WNT3A: variants seen among roughly 807,000 people sequenced by gnomAD.
WNT3A encodes the protein Wnt family member 3A, also known as protein Wnt-3a.
Under a neutral mutation model 37.0 loss-of-function variants are expected in WNT3A, and 17 were observed. The ratio of observed to expected loss-of-function variants is 0.46; its 90% CI spans 0.31 to 0.69. The LOEUF (loss-of-function observed/expected upper bound fraction) is 0.69. WNT3A is among the 30% of genes least tolerant of loss of function. The pLI is 0.05. For synonymous variants in WNT3A, 187 were observed against 211.0 expected, an observed-to-expected ratio of 0.89 and a Z score of 0.99; for missense variants, 411 against 510.2, an observed-to-expected ratio of 0.81 and a Z score of 1.87.
chr1:228,057,271 T>C (rs2031701443), intron 3 of WNT3A, among the ~76,000 whole-genome samples: 1 of 152,174 alleles, frequency 6.6e-6, no homozygotes, highest in Admixed American at 6.5e-5. Context: ...TTGGGAAGTG[T>C]GCATCAGTGT....
intron 2 of WNT3A, among the ~76,000 whole-genome samples, chr1:228,036,962 A>G (rs2031158636): frequency 1.3e-5 from 2 of 152,110 alleles, no homozygotes; most frequent in Admixed American, 1.3e-4. Flanking sequence ...GAGCCTAGGG[A>G]TGCCACCTGT....
rs533480493 is a variant in WNT3A at position 228,034,104 on chromosome 1, A to G, written c.313+11196A>G. 3.9e-4 allele frequency among the ~76,000 whole-genome samples: 60 copies of G among 152,270 alleles called. No homozygotes were observed. In the South Asian group the frequency reaches 0.012, roughly 31 times the overall value. ...TGACAAAACCCTGTCTCTACTAAAAATACAAAAATTAGCCAGGCATGGTGG... is the reference window on the plus strand; with the variant it reads ...TGACAAAACCCTGTCTCTACTAAAAGTACAAAAATTAGCCAGGCATGGTGG... On this transcript the variant is annotated intron_variant, in intron 2 of 3. Coordinates refer to ENST00000284523, the MANE Select transcript of WNT3A (RefSeq NM_033131.4).
At chr1:228,044,365 G>A (rs1006226656) in intron 2 of WNT3A, among the ~76,000 whole-genome samples, 3 of 152,170 alleles carry the variant, frequency 2.0e-5, no homozygotes, top group East Asian at 1.9e-4. Context: ...GCTTTCCTTC[G>A]TTTTTCTATC....
chr1:228,059,394 G>C lies in WNT3A; in HGVS notation c.988G>C (p.Val330Leu). The stretch of plus-strand genomic sequence containing the variant: ...GCGGCGCCGGGAGAAGTGCCGCTGC[G>C]TGTTCCACTGGTGCTGCTACGTCAG... ...AERRREKCRC[V>L]FHWCCYVSCQ... Residue 330 changes from valine to leucine, a missense_variant, in exon 4 of 4, where the codon GTG becomes CTG. Physicochemically the swap from Val to Leu is conservative, Grantham distance 32. Coordinates refer to ENST00000284523, the MANE Select transcript of WNT3A (RefSeq NM_033131.4). The C allele has an allele frequency of 6.4e-7, 1 of 1,561,316 alleles. No individual in the cohort carries two copies. The highest frequency in any genetic ancestry group is 8.6e-7 in the Non-Finnish European group (1 of 1,157,772).
chr1:228,021,094 G>A (rs567353647), intron 1 of WNT3A, among the ~76,000 whole-genome samples: 8 of 152,284 alleles, frequency 5.3e-5, no homozygotes, highest in African/African-American at 1.2e-4. Context: ...TCGTTCTGAC[G>A]TGAAGCACTC....
chr1:228,056,380 A>ACAC (rs2031683385), intron 3 of WNT3A, among the ~76,000 whole-genome samples: 1 of 152,248 alleles, frequency 6.6e-6, no homozygotes, highest in Non-Finnish European at 1.5e-5. Flanking sequence ...AAAAGATAAA[A>ACAC]CACTATATCC....
In WNT3A at chr1:228,008,243, T is replaced by C. The variant is rs750321711; in HGVS notation, c.71+1044T>C. On this transcript the variant is annotated intron_variant, in intron 1 of 3. Coordinates refer to ENST00000284523, the MANE Select transcript of WNT3A (RefSeq NM_033131.4). The surrounding 1 kb of genome is among the most constrained non-coding windows in gnomAD (Gnocchi z 4.9). ...GGCGCAGCGCTGGTAGGACCCACAG[T>C]TGGAGAGAAGCCTCCCCACAAGCAT... Among the ~76,000 whole-genome samples, 2 of 152,028 alleles carry C rather than the reference T, an allele frequency of 1.3e-5. No homozygotes were observed. The highest frequency in any genetic ancestry group is 2.9e-5 in the Non-Finnish European group (2 of 67,990).
In WNT3A at chr1:228,038,685, A is replaced by T. The variant is rs2031200695; in HGVS notation, c.314-11971A>T. On this transcript the variant is annotated intron_variant, in intron 2 of 3. Coordinates refer to ENST00000284523, the MANE Select transcript of WNT3A (RefSeq NM_033131.4). The surrounding 1 kb of genome is among the most constrained non-coding windows in gnomAD (Gnocchi z 5.7). ...CTGTCCCCACAACTCTATGGGTCCCAGGTATGTGGTGGGGGTGTGGTAATC... is the reference window on the plus strand; with the variant it reads ...CTGTCCCCACAACTCTATGGGTCCCTGGTATGTGGTGGGGGTGTGGTAATC... Among the ~76,000 whole-genome samples, 1 of 152,140 alleles carries T rather than the reference A, an allele frequency of 6.6e-6. No individual in the cohort carries two copies. The highest frequency in any genetic ancestry group is 2.4e-5 in the African/African-American group (1 of 41,432).
chr1:228,033,736 ATCGGTTTG>A (rs1027077804), intron 2 of WNT3A, among the ~76,000 whole-genome samples: 1 of 150,166 alleles, frequency 6.7e-6, no homozygotes, highest in Non-Finnish European at 1.5e-5. Context: ...GAATGTGTAG[ATCGGTTTG>A]GGAAATATTG....
chr1:228,024,806 A>G (rs1276707848), intron 2 of WNT3A, among the ~76,000 whole-genome samples: 4 of 152,204 alleles, frequency 2.6e-5, no homozygotes, highest in Non-Finnish European at 5.9e-5. Flanking sequence ...TTTTGAGCTC[A>G]TCTTTTTATA....
intron 2 of WNT3A, among the ~76,000 whole-genome samples, chr1:228,026,865 T>G (rs538388517): frequency 6.6e-6 from 1 of 151,908 alleles, no homozygotes; most frequent in Non-Finnish European, 1.5e-5. Flanking sequence ...TTTATTGAGA[T>G]AGGGTCTCAC....
intron 2 of WNT3A, among the ~76,000 whole-genome samples, chr1:228,047,647 T>A (rs1429975421): frequency 6.6e-6 from 1 of 152,108 alleles, no homozygotes; most frequent in Non-Finnish European, 1.5e-5. Context: ...TGGTAATTTA[T>A]AAGAAAAGAT....
Position 228,007,677 on chromosome 1 carries a change from G to C in WNT3A, c.71+478G>C, listed in dbSNP as rs944928990. Among the ~76,000 whole-genome samples the C allele has an allele frequency of 3.3e-5, 5 of 152,168 alleles. No individual in the cohort carries two copies. Among genetic ancestry groups the C allele is most frequent in the African/African-American group, 1.2e-4 (5 of 41,440 alleles). Reference sequence around the variant, plus strand: ...TCGATGAGACAAGACTGAACAGCTCGGAGCAGCGTGGTTACGTAAAGAAAG... The same window carrying C: ...TCGATGAGACAAGACTGAACAGCTCCGAGCAGCGTGGTTACGTAAAGAAAG... On this transcript the variant is annotated intron_variant, in intron 1 of 3. Transcript: ENST00000284523. This position sits in a 1 kb window ranked among gnomAD's most constrained non-coding sequence, Gnocchi z 6.0.
rs114405332 is a variant in WNT3A, at chr1:228,017,096, C to T, written c.72-5571C>T. 3.1e-3 allele frequency among the ~76,000 whole-genome samples: 470 copies of T among 152,202 alleles called. 1 individual carries two copies. Among genetic ancestry groups the T allele is most frequent in the African/African-American group, 0.011 (439 of 41,536 alleles). On this transcript the variant is annotated intron_variant, in intron 1 of 3. Coordinates refer to ENST00000284523, the MANE Select transcript of WNT3A (RefSeq NM_033131.4). ...CCCTGGAGGCCAACATGCGGGAAGC[C>T]CTGTTCTGCTGTATTAGCCGGTGGC...
At chr1:228,040,613 G>A (rs1259953522) in intron 2 of WNT3A, among the ~76,000 whole-genome samples, 1 of 152,204 alleles carries the variant, frequency 6.6e-6, no homozygotes, top group Non-Finnish European at 1.5e-5. Flanking sequence ...GCCGGGCGCA[G>A]TGGCTCATGC....
Position 228,059,812 on chromosome 1 carries a change from C to G in WNT3A, c.*347C>G. The G allele has an allele frequency of 9.4e-7, 1 of 1,061,350 alleles. No homozygotes were observed. Among genetic ancestry groups the G allele is most frequent in the Non-Finnish European group, 1.1e-6 (1 of 880,084 alleles). The allele number at this position is 1,061,350 out of a possible 1,614,324, so 65.7% of individuals were successfully genotyped here. The stretch of plus-strand genomic sequence containing the variant: ...CTTGGGTGGGACAGGGCTTCTCCTG[C>G]GGGGGCGAGGCCCCTCCCAGTAAGG... On this transcript the variant is annotated 3_prime_UTR_variant, in exon 4 of 4. Transcript: ENST00000284523.
Position 228,054,470 on chromosome 1 carries a change from C to CA in WNT3A, c.579+3557dup, listed in dbSNP as rs752968369. On this transcript the variant is annotated intron_variant, in intron 3 of 3. Coordinates refer to ENST00000284523, the MANE Select transcript of WNT3A (RefSeq NM_033131.4). Reference sequence around the variant, plus strand: ...AAACCCGGTCTCTACTAAAAAATAACAAAAAAAATTAGCCAGGCGTGGTGG... The same window carrying CA: ...AAACCCGGTCTCTACTAAAAAATAACAAAAAAAAATTAGCCAGGCGTGGTGG... 9.6e-4 allele frequency among the ~76,000 whole-genome samples: 144 copies of CA among 150,538 alleles called. 2 individuals are homozygous for CA. In the East Asian group the frequency reaches 0.015, roughly 15 times the overall value.
At position 228,038,425 on chromosome 1, in the gene WNT3A, C is replaced by T. The variant is rs906518516; in HGVS notation, c.314-12231C>T. Among the ~76,000 whole-genome samples the T allele has an allele frequency of 1.3e-5, 2 of 152,216 alleles. No individual in the cohort carries two copies. Among genetic ancestry groups the T allele is most frequent in the African/African-American group, 2.4e-5 (1 of 41,460 alleles). ...GCTCTGGAAGCCTGTTGTGGCCTCC[C>T]GATGGGCACGAGAAGGACTTTGCTT... On this transcript the variant is annotated intron_variant, in intron 2 of 3. Coordinates refer to ENST00000284523, the MANE Select transcript of WNT3A (RefSeq NM_033131.4). This position sits in a 1 kb window ranked among gnomAD's most constrained non-coding sequence, Gnocchi z 5.7.
chr1:228,058,716 A>C (rs1406180273), intron 3 of WNT3A, among the ~76,000 whole-genome samples: 1 of 152,024 alleles, frequency 6.6e-6, no homozygotes, highest in African/African-American at 2.4e-5. Context: ...CATTCGCTCC[A>C]CCCTAGACAG....
Sources: allele counts gnomAD v4.1 joint callset (sites outside exome capture counted in the v4.1 genomes callset), GRCh38; gene constraint gnomAD v4.1.1; non-coding constraint Gnocchi (gnomAD v3.1); transcripts MANE v1.5; gene names NCBI Gene and HGNC (gene_info 2026-07-23, HGNC 2026-07-21).